CTNND2: variants seen among roughly 807,000 people sequenced by gnomAD.
CTNND2 encodes the protein catenin delta 2.
CTNND2 carries 22 observed loss-of-function variants against 144.4 expected under a neutral mutation model. The observed-to-expected ratio is 0.15, with a 90% CI of 0.11 to 0.22. CTNND2 has a LOEUF of 0.22. CTNND2 is among the 10% of genes least tolerant of loss of function. The pLI is 1.00. For synonymous variants in CTNND2, 751 were observed against 695.6 expected, an observed-to-expected ratio of 1.08 and a Z score of -1.25; for missense variants, 1,353 against 1,618.8, an observed-to-expected ratio of 0.84 and a Z score of 2.82.
rs560677699 is a variant in CTNND2, at chr5:11,680,985, T to C, written c.174+51151A>G. ...TTTAGCTGTCTGGGATACAGGAGGG[T>C]GGAGATCTAGAGGATGAGATGGAGG... On this transcript the variant is annotated intron_variant, in intron 2 of 21. Transcript: ENST00000304623. Among the ~76,000 whole-genome samples the C allele has an allele frequency of 3.9e-5, 6 of 151,906 alleles. No individual in the cohort carries two copies. The East Asian group carries it at 1.2e-3, about 29-fold the overall frequency.
At chr5:11,250,491 C>CTCTCTCTATATATATATATATATA (rs869141186) in intron 9 of CTNND2, among the ~76,000 whole-genome samples, 10 of 64,088 alleles carry the variant, frequency 1.6e-4, no homozygotes, top group Non-Finnish European at 2.5e-4. Flanking sequence ...CTCTCTCTCT[C>CTCTCTCTATATATATATATATATA]TATATATATA....
rs1754878723 is a variant in CTNND2 at position 11,347,111 on chromosome 5, G to C, written c.1373-484C>G. On this transcript the variant is annotated intron_variant, in intron 8 of 21. Transcript: ENST00000304623. ...AATCAAAGAAAATAAGAAGAAATGA[G>C]AGGGAGTGTATGCATGGGGGTGGAG... is the stretch of plus-strand genomic sequence containing the variant. Among the ~76,000 whole-genome samples, 3 of 152,210 alleles carry C rather than the reference G, an allele frequency of 2.0e-5. No homozygotes were observed. The South Asian group carries it at 6.2e-4, about 32-fold the overall frequency.
intron 3 of CTNND2, among the ~76,000 whole-genome samples, chr5:11,496,356 C>T (rs1168566398): frequency 6.6e-6 from 1 of 152,196 alleles, no homozygotes; most frequent in Non-Finnish European, 1.5e-5. Flanking sequence ...AGAACTGTCA[C>T]ACTGAGAACA....
In CTNND2 at chr5:11,322,626, T is replaced by C. The variant is rs182681692; in HGVS notation, c.1628+23746A>G. On this transcript the variant is annotated intron_variant, in intron 9 of 21. Coordinates refer to ENST00000304623, the MANE Select transcript of CTNND2 (RefSeq NM_001332.4). ...TTGAGTGGCTTCTTGGATACATTTGTTATGTAAGCTTTTTTTCATTTTGAC... is the reference window on the plus strand; with the variant it reads ...TTGAGTGGCTTCTTGGATACATTTGCTATGTAAGCTTTTTTTCATTTTGAC... Among the ~76,000 whole-genome samples, 701 of 152,328 alleles carry C rather than the reference T, an allele frequency of 4.6e-3. 2 individuals carry two copies. The highest frequency in any genetic ancestry group is 0.029 in the South Asian group (138 of 4,828).
At chr5:11,731,775 G>A (rs893883171) in intron 2 of CTNND2, among the ~76,000 whole-genome samples, 1 of 151,754 alleles carries the variant, frequency 6.6e-6, no homozygotes, top group African/African-American at 2.4e-5. Context: ...TTAACCTCCC[G>A]GATATATTTT....
At chr5:11,031,787 TGG>T (rs1178058270) in intron 16 of CTNND2, among the ~76,000 whole-genome samples, 1 of 152,248 alleles carries the variant, frequency 6.6e-6, no homozygotes, top group Non-Finnish European at 1.5e-5. Context: ...TCTCCCATGC[TGG>T]ATGCTTCTTG....
intron 2 of CTNND2, among the ~76,000 whole-genome samples, chr5:11,579,273 G>C (rs780148181): frequency 1.3e-5 from 2 of 151,928 alleles, no homozygotes; most frequent in Non-Finnish European, 2.9e-5. Context: ...ATGTAGCAGT[G>C]ATAAATGTAC....
chr5:11,015,457 T>A (rs961733326), intron 18 of CTNND2, among the ~76,000 whole-genome samples: 4 of 152,236 alleles, frequency 2.6e-5, no homozygotes, highest in Non-Finnish European at 5.9e-5. Context: ...TTCTTGAATC[T>A]CTTCAAATGA....
At chr5:11,013,755 TCTC>T (rs924059344) in intron 18 of CTNND2, among the ~76,000 whole-genome samples, 9 of 152,144 alleles carry the variant, frequency 5.9e-5, no homozygotes, top group African/African-American at 1.7e-4. Flanking sequence ...CTGCCTTTCT[TCTC>T]CTGCCACAAA....
At chr5:11,612,086 A>C (rs1780361013) in intron 2 of CTNND2, among the ~76,000 whole-genome samples, 1 of 152,132 alleles carries the variant, frequency 6.6e-6, no homozygotes, top group African/African-American at 2.4e-5. Context: ...GGAAAGTCAC[A>C]AAAGTTCGAG....
intron 2 of CTNND2, among the ~76,000 whole-genome samples, chr5:11,568,738 T>G (rs551006688): frequency 6.6e-6 from 1 of 152,296 alleles, no homozygotes; most frequent in South Asian, 2.1e-4. Flanking sequence ...ATTATCCATC[T>G]CTAACACAGT....
intron 2 of CTNND2, among the ~76,000 whole-genome samples, chr5:11,719,614 C>A: frequency 6.6e-6 from 1 of 152,122 alleles, no homozygotes; most frequent in East Asian, 1.9e-4. Context: ...CAATATTTAT[C>A]CTTAGCGATG....
intron 12 of CTNND2, among the ~76,000 whole-genome samples, chr5:11,129,346 C>A (rs185145501): frequency 7.1e-4 from 69 of 96,520 alleles, no homozygotes; most frequent in Admixed American, 1.2e-3. Context: ...CATCAAAATT[C>A]TTCCTCGGAG....
intron 9 of CTNND2, among the ~76,000 whole-genome samples, chr5:11,238,987 A>G (rs1741936937): frequency 6.6e-6 from 1 of 152,266 alleles, no homozygotes; most frequent in South Asian, 2.1e-4. Context: ...AGTCCTTCTT[A>G]TAAAAGTAGC....
chr5:11,452,426 A>T (rs987809238), intron 3 of CTNND2, among the ~76,000 whole-genome samples: 5 of 152,216 alleles, frequency 3.3e-5, no homozygotes, highest in Non-Finnish European at 5.9e-5. Context: ...ATTTTTAAAA[A>T]TGTGACTGGA....
chr5:11,601,857 C>T (rs1177394404), intron 2 of CTNND2, among the ~76,000 whole-genome samples: 1 of 152,062 alleles, frequency 6.6e-6, no homozygotes, highest in Non-Finnish European at 1.5e-5. Context: ...TTCAAATATG[C>T]TTCGGTACTT....
chr5:11,518,242 T>C (rs1772369183), intron 3 of CTNND2, among the ~76,000 whole-genome samples: 1 of 152,116 alleles, frequency 6.6e-6, no homozygotes, highest in Non-Finnish European at 1.5e-5. Context: ...TCTTAGTTTT[T>C]ACTTAAAACA....
chr5:11,667,166 C>T (rs1561674105), intron 2 of CTNND2, among the ~76,000 whole-genome samples: 1 of 152,098 alleles, frequency 6.6e-6, no homozygotes, highest in South Asian at 2.1e-4. Flanking sequence ...CAGTCTATCA[C>T]TGATGGGCAT....
At chr5:11,370,376 C>T (rs748755956) in intron 7 of CTNND2, among the ~76,000 whole-genome samples, 36 of 152,222 alleles carry the variant, frequency 2.4e-4, no homozygotes, top group East Asian at 7.7e-4. Flanking sequence ...CCTCCTGGTT[C>T]TAATGCTGGG....
Sources: gnomAD v4.1 joint callset for allele counts (sites outside exome capture counted in the v4.1 genomes callset) on GRCh38, gnomAD v4.1.1 for gene constraint, MANE v1.5 for transcripts, NCBI Gene and HGNC (gene_info 2026-07-23, HGNC 2026-07-21) for gene names.